The following SHLD1 variants were observed in gnomAD, a reference collection of about 807,000 sequenced individuals.
SHLD1 encodes the protein RINN1-REV7-interacting novel NHEJ regulator 3.
In SHLD1, 3 loss-of-function variants were observed where a neutral mutation model predicts 5.5. That is an observed-to-expected ratio of 0.54 (90% confidence interval 0.25 to 1.40). SHLD1 has a LOEUF of 1.40. Among genes scored for constraint, SHLD1 ranks in the 40% most tolerant of loss-of-function variants. The probability of loss-of-function intolerance (pLI) is 0.15; values close to 1 mark genes in which losing one functional copy is unlikely to be tolerated. For missense variants in SHLD1, 210 were observed against 244.4 expected, an observed-to-expected ratio of 0.86 and a Z score of 0.94; for synonymous variants, 92 against 94.3, an observed-to-expected ratio of 0.98 and a Z score of 0.14.
chr20:5,753,299 T>A (rs1442972294), intron 1 of SHLD1, among the ~76,000 whole-genome samples: 4 of 152,278 alleles, frequency 2.6e-5, no homozygotes, highest in Non-Finnish European at 4.4e-5. Flanking sequence ...GTATCTTTTT[T>A]AACAATATAT....
intron 2 of SHLD1, among the ~76,000 whole-genome samples, chr20:5,819,761 G>A (rs370950846): frequency 9.8e-5 from 15 of 152,316 alleles, no homozygotes; most frequent in Middle Eastern, 6.8e-3. Context: ...AGCCAGGGCT[G>A]CAGTGAGCCA....
chr20:5,756,685 CTTTCTTTT>C (rs1260958868), intron 1 of SHLD1: 24 of 147,464 alleles, frequency 1.6e-4, no homozygotes, highest in South Asian at 7.3e-4. Flanking sequence ...TTCTTTCTTT[CTTTCTTTT>C]TTTTTTTTTT....
At chr20:5,784,454 T>A (rs941501501) in intron 2 of SHLD1, among the ~76,000 whole-genome samples, 5 of 152,078 alleles carry the variant, frequency 3.3e-5, no homozygotes, top group South Asian at 4.1e-4. Context: ...TTTTTAATTT[T>A]TTTTATTTTA....
chr20:5,858,710 C>T (rs1200619648), intron 2 of SHLD1, among the ~76,000 whole-genome samples: 1 of 152,138 alleles, frequency 6.6e-6, no homozygotes, highest in Non-Finnish European at 1.5e-5. Context: ...TGGCACACAC[C>T]TGTGGTCCCA....
At chr20:5,848,695 G>T (rs1189898787) in intron 2 of SHLD1, among the ~76,000 whole-genome samples, 1 of 152,200 alleles carries the variant, frequency 6.6e-6, no homozygotes, top group Admixed American at 6.5e-5. Context: ...AAATGCCAAA[G>T]TAGAAGATTG....
chr20:5,758,951 G>GTT (rs903234621), intron 1 of SHLD1, among the ~76,000 whole-genome samples: 128 of 127,184 alleles, frequency 1.0e-3, no homozygotes, highest in East Asian at 2.2e-3. Flanking sequence ...TTCTTGACAA[G>GTT]TTTTTTTTTT....
intron 2 of SHLD1, among the ~76,000 whole-genome samples, chr20:5,822,942 A>T (rs2087623408): frequency 6.6e-6 from 1 of 151,188 alleles, no homozygotes; most frequent in African/African-American, 2.4e-5. Context: ...TCCACCTCTT[A>T]CCTTCCCGAT....
rs144103337 is a variant in SHLD1 at position 5,799,605 on chromosome 20, C to T, written c.178+26562C>T. On this transcript the variant is annotated intron_variant, in intron 2 of 2. Transcript: ENST00000303142. The stretch of plus-strand genomic sequence containing the variant: ...CTGGGATTACAGGTGTGAGCCACCG[C>T]GCCCAGCCTTCTGTTATCACAGGCC... Among the ~76,000 whole-genome samples, 1,146 of 151,842 alleles carry T rather than the reference C, an allele frequency of 7.5e-3. 17 individuals are homozygous for T. The highest frequency in any genetic ancestry group is 0.026 in the African/African-American group (1,066 of 41,384).
rs75178581 is a variant in SHLD1 at position 5,806,911 on chromosome 20, A to G, written c.178+33868A>G. On this transcript the variant is annotated intron_variant, in intron 2 of 2. Transcript: ENST00000303142. This position sits in a 1 kb window ranked among gnomAD's most constrained non-coding sequence, Gnocchi z 7.6. Reference sequence around the variant, plus strand: ...TATTTCCACTGAAGGACTTGATTTTAGCACCGAAGAGTGAGTGAGTGGTCG... The same window carrying G: ...TATTTCCACTGAAGGACTTGATTTTGGCACCGAAGAGTGAGTGAGTGGTCG... Among the ~76,000 whole-genome samples the G allele has an allele frequency of 0.012, 1,804 of 152,360 alleles. 41 individuals carry two copies. The highest frequency in any genetic ancestry group is 0.041 in the African/African-American group (1,702 of 41,580).
intron 2 of SHLD1, among the ~76,000 whole-genome samples, chr20:5,810,118 G>A (rs558010148): frequency 3.9e-5 from 6 of 152,064 alleles, no homozygotes; most frequent in Non-Finnish European, 5.9e-5. Flanking sequence ...TTAGCCAGGC[G>A]TGATGCTGCG....
chr20:5,802,817 A>G (rs1481480627), intron 2 of SHLD1, among the ~76,000 whole-genome samples: 5 of 151,892 alleles, frequency 3.3e-5, no homozygotes, highest in African/African-American at 1.2e-4. Flanking sequence ...CAGTGTCTCA[A>G]GCAATTCATC....
At chr20:5,823,445 GTTT>G (rs1366015843) in intron 2 of SHLD1, among the ~76,000 whole-genome samples, 1,089 of 105,352 alleles carry the variant, frequency 0.01, 8 homozygotes, top group African/African-American at 0.029. Flanking sequence ...GTTTTTTGTT[GTTT>G]TTTGTTTTTT....
intron 2 of SHLD1, among the ~76,000 whole-genome samples, chr20:5,805,079 C>T (rs1182416331): frequency 2.0e-5 from 3 of 152,232 alleles, no homozygotes; most frequent in Admixed American, 1.3e-4. Flanking sequence ...TCATGCTCAA[C>T]TCTTGGTCTA....
intron 2 of SHLD1, among the ~76,000 whole-genome samples, chr20:5,833,469 C>A (rs1184646660): frequency 6.6e-6 from 1 of 152,158 alleles, no homozygotes; most frequent in East Asian, 1.9e-4. Context: ...TTAATGGGTA[C>A]ATTGTTTTGT....
chr20:5,818,588 A>AGTTCCT (rs2087567848), intron 2 of SHLD1, among the ~76,000 whole-genome samples: 1 of 152,202 alleles, frequency 6.6e-6, no homozygotes, highest in South Asian at 2.1e-4. Context: ...GTTGGTAGGT[A>AGTTCCT]GGTCATATGA....
intron 1 of SHLD1, among the ~76,000 whole-genome samples, chr20:5,751,590 C>T (rs1052908158): frequency 1.3e-5 from 2 of 152,168 alleles, no homozygotes; most frequent in Non-Finnish European, 2.9e-5. Flanking sequence ...CAGGTGTGAG[C>T]CACCACGCCC....
chr20:5,859,982 T>G (rs1261051859), intron 2 of SHLD1, among the ~76,000 whole-genome samples: 1 of 152,234 alleles, frequency 6.6e-6, no homozygotes, highest in Non-Finnish European at 1.5e-5. Context: ...GTACGTGCCA[T>G]GTTGCTTGGC....
At chr20:5,861,216 C>T (rs954475465) in intron 2 of SHLD1, among the ~76,000 whole-genome samples, 35 of 152,386 alleles carry the variant, frequency 2.3e-4, no homozygotes, top group Non-Finnish European at 2.2e-4. Flanking sequence ...TGCAGGTCAC[C>T]TCCTCTGAAG....
In SHLD1 at chr20:5,830,149, G is replaced by A. The variant is rs529209399; in HGVS notation, c.179-32875G>A. ...GTAAGTACCTAAGAGAAATGCATCC[G>A]TATGTTCATGGAGAGACATGCACTG... On this transcript the variant is annotated intron_variant, in intron 2 of 2. Transcript: ENST00000303142. 7.2e-5 allele frequency among the ~76,000 whole-genome samples: 11 copies of A among 152,278 alleles called. No homozygotes were observed. In the East Asian group the frequency reaches 9.6e-4, roughly 13 times the overall value.
Sources: gnomAD v4.1 joint callset for allele counts (sites outside exome capture counted in the v4.1 genomes callset) on GRCh38, gnomAD v4.1.1 for gene constraint, Gnocchi (gnomAD v3.1) non-coding constraint, MANE v1.5 for transcripts, NCBI Gene and HGNC (gene_info 2026-07-23, HGNC 2026-07-21) for gene names.